The following GPC5 variants were observed in gnomAD, a reference collection of about 807,000 sequenced individuals.
GPC5 encodes glypican-5.
Under a neutral mutation model 53.9 loss-of-function variants are expected in GPC5, and 47 were observed. The ratio of observed to expected loss-of-function variants is 0.87; its 90% confidence interval spans 0.69 to 1.11. The LOEUF (loss-of-function observed/expected upper bound fraction) is 1.11, where lower values mean the gene tolerates loss of function less well. Ranked by LOEUF, GPC5 falls within the 50% of genes most tolerant of loss-of-function variation. GPC5 has a pLI of 0.00. For synonymous variants in GPC5, 286 were observed against 263.3 expected (o/e 1.09, Z -0.84); for missense variants, 748 against 713.1 (o/e 1.05, Z -0.56).
intron 6 of GPC5, among the ~76,000 whole-genome samples, chr13:92,033,173 A>G (rs940500577): frequency 6.6e-6 from 1 of 152,106 alleles, no homozygotes; most frequent in Non-Finnish European, 1.5e-5. Context: ...TCCAAAGCCT[A>G]TAACTTGAGT....
intron 7 of GPC5, among the ~76,000 whole-genome samples, chr13:92,266,553 G>C (rs1350827838): frequency 6.6e-6 from 1 of 152,050 alleles, no homozygotes; most frequent in Non-Finnish European, 1.5e-5. Context: ...GTGTTCCCTA[G>C]CCAGTCTATT....
chr13:92,575,486 C>T (rs1031859870), intron 7 of GPC5, among the ~76,000 whole-genome samples: 1 of 152,134 alleles, frequency 6.6e-6, no homozygotes, highest in African/African-American at 2.4e-5. Flanking sequence ...GCAGAGGGAA[C>T]CTGGCCCTGC....
At chr13:92,348,941 T>G (rs1489520216) in intron 7 of GPC5, among the ~76,000 whole-genome samples, 1 of 152,110 alleles carries the variant, frequency 6.6e-6, no homozygotes, top group Non-Finnish European at 1.5e-5. Flanking sequence ...AGAGGAACGT[T>G]TATAACAATA....
intron 4 of GPC5, among the ~76,000 whole-genome samples, chr13:91,752,080 G>A (rs1371333498): frequency 6.6e-6 from 1 of 152,152 alleles, no homozygotes; most frequent in Admixed American, 6.5e-5. Flanking sequence ...CCTTCACCCG[G>A]TGTTTTCATG....
At chr13:91,947,829 C>A (rs1020991823) in intron 6 of GPC5, among the ~76,000 whole-genome samples, 1 of 152,130 alleles carries the variant, frequency 6.6e-6, no homozygotes, top group African/African-American at 2.4e-5. Flanking sequence ...GCAACAGCAA[C>A]CCAGAGCACA....
chr13:92,652,387 T>C (rs1379125540), intron 7 of GPC5, among the ~76,000 whole-genome samples: 2 of 152,158 alleles, frequency 1.3e-5, no homozygotes, highest in Non-Finnish European at 2.9e-5. Flanking sequence ...AAAGCTACCT[T>C]ATGCCTTTTA....
intron 7 of GPC5, among the ~76,000 whole-genome samples, chr13:92,401,424 T>C (rs1875554576): frequency 6.6e-6 from 1 of 152,140 alleles, no homozygotes; most frequent in African/African-American, 2.4e-5. Context: ...TTCAATTCGA[T>C]AAAACCACCA....
At chr13:91,945,827 A>C (rs2039969522) in intron 6 of GPC5, among the ~76,000 whole-genome samples, 1 of 151,804 alleles carries the variant, frequency 6.6e-6, no homozygotes. Context: ...ACCTCCCTTC[A>C]AGTGATACAA....
chr13:91,693,787 C>T lies in GPC5; in HGVS notation c.926C>T (p.Thr309Ile), dbSNP rs2035817538. 1 of 1,614,088 alleles carries T rather than the reference C, an allele frequency of 6.2e-7. No individual in the cohort carries two copies. Among genetic ancestry groups the T allele is most frequent in the Non-Finnish European group, 8.5e-7 (1 of 1,180,028 alleles). ...GAACTCTCGGATGCAATGCATGGAA[C>T]ATACGACATTGGACACGTGCTGCTG... ...LEELSDAMHG[T>I]YDIGHVLLNF... Residue 309 changes from threonine (T) to isoleucine (I), a missense_variant, in exon 3 of 8, where the codon ACA (threonine) becomes ATA (isoleucine). Coordinates refer to ENST00000377067, the MANE Select transcript of GPC5 (RefSeq NM_004466.6).
Position 91,508,972 on chromosome 13 carries a change from C to T in GPC5, c.325+60050C>T, listed in dbSNP as rs531527081. ...GACCTCAAAGCTTGTGTTCCCCATC[C>T]CATACTATAATCCATAAGATAATCA... is the stretch of plus-strand genomic sequence containing the variant. On this transcript the variant is annotated intron_variant, in intron 2 of 7. Coordinates refer to ENST00000377067, the MANE Select transcript of GPC5 (RefSeq NM_004466.6). Among the ~76,000 whole-genome samples the T allele has an allele frequency of 5.9e-5, 9 of 152,180 alleles. No individual in the cohort carries two copies. The East Asian group carries it at 1.7e-3, about 29-fold the overall frequency.
chr13:92,234,809 C>T (rs1220543771), intron 7 of GPC5, among the ~76,000 whole-genome samples: 2 of 152,242 alleles, frequency 1.3e-5, no homozygotes, highest in East Asian at 1.9e-4. Context: ...AGGGGTCAAA[C>T]AGCTCTTTCT....
At chr13:91,746,949 T>A (rs1480363560) in intron 4 of GPC5, among the ~76,000 whole-genome samples, 5 of 152,128 alleles carry the variant, frequency 3.3e-5, no homozygotes, top group Non-Finnish European at 5.9e-5. Context: ...TCCTTCTCTA[T>A]CTTTCTATGT....
intron 7 of GPC5, among the ~76,000 whole-genome samples, chr13:92,313,164 A>G (rs923953510): frequency 6.6e-6 from 1 of 152,196 alleles, no homozygotes; most frequent in African/African-American, 2.4e-5. Context: ...CAAAGAAAGT[A>G]GAACAAGAAA....
At chr13:91,959,032 G>A (rs1304811983) in intron 6 of GPC5, among the ~76,000 whole-genome samples, 4 of 146,242 alleles carry the variant, frequency 2.7e-5, no homozygotes, top group South Asian at 2.2e-4. Flanking sequence ...ACAAAGATCC[G>A]AGCAGAACCA....
At chr13:91,864,690 G>C (rs1156359657) in intron 5 of GPC5, among the ~76,000 whole-genome samples, 1 of 151,988 alleles carries the variant, frequency 6.6e-6, no homozygotes, top group Non-Finnish European at 1.5e-5. Context: ...TCAAATTAAG[G>C]ACTTGCAAAA....
intron 7 of GPC5, among the ~76,000 whole-genome samples, chr13:92,207,123 A>C (rs2042343351): frequency 6.6e-6 from 1 of 152,208 alleles, no homozygotes; most frequent in African/African-American, 2.4e-5. Context: ...AAGGGATATT[A>C]GGTTCAGCCA....
chr13:92,828,854 G>A (rs1394008282), intron 7 of GPC5, among the ~76,000 whole-genome samples: 1 of 152,130 alleles, frequency 6.6e-6, no homozygotes, highest in Non-Finnish European at 1.5e-5. Flanking sequence ...GAGGTTAGAA[G>A]GGAGTTGGGG....
intron 7 of GPC5, among the ~76,000 whole-genome samples, chr13:92,566,939 A>G (rs1035628746): frequency 6.6e-6 from 1 of 152,124 alleles, no homozygotes; most frequent in African/African-American, 2.4e-5. Context: ...GATGATTATA[A>G]TAAATATTTG....
chr13:92,435,135 GA>G (rs1877250458), intron 7 of GPC5, among the ~76,000 whole-genome samples: 5 of 152,102 alleles, frequency 3.3e-5, no homozygotes, highest in Admixed American at 3.3e-4. Flanking sequence ...AGTTGGTCCT[GA>G]ACTCCTGACC....
Sources: allele counts gnomAD v4.1 joint callset (sites outside exome capture counted in the v4.1 genomes callset), GRCh38; gene constraint gnomAD v4.1.1; transcripts MANE v1.5; gene names NCBI Gene and HGNC (gene_info 2026-07-23, HGNC 2026-07-21).